The following NBEAL2 variants were observed in gnomAD, a reference collection of about 807,000 sequenced individuals.
NBEAL2 encodes the protein neurobeachin-like protein 2.
Under a neutral mutation model 299.8 loss-of-function variants are expected in NBEAL2, and 160 were observed. That is an observed-to-expected ratio of 0.53 (90% CI 0.47 to 0.61). The LOEUF (loss-of-function observed/expected upper bound fraction) is 0.61, where lower values mean the gene tolerates loss of function less well. NBEAL2 is among the 20% of genes least tolerant of loss of function. The pLI is 0.00. For synonymous variants in NBEAL2, 1,493 were observed against 1,542.3 expected, an observed-to-expected ratio of 0.97 and a Z score of 0.75; for missense variants, 3,112 against 3,649.0, an observed-to-expected ratio of 0.85 and a Z score of 3.79.
chr3:46,997,502 G>T, intron 19 of NBEAL2, 59 bp from the exon 20 acceptor site: 2 of 1,588,522 alleles, frequency 1.3e-6, no homozygotes, highest in Non-Finnish European at 1.7e-6. Context: ...AATGCCCAAG[G>T]TCTCCTGGCC....
Position 47,003,100 on chromosome 3 carries a change from A to C in NBEAL2, c.5584+19A>C, listed in dbSNP as rs2107417687. On this transcript the variant is annotated intron_variant, in intron 34 of 53. Transcript: ENST00000450053. This position sits in a 1 kb window ranked among gnomAD's most constrained non-coding sequence, Gnocchi z 7.0. ...AATCTGGGTGAGGGAGTGTGCTGAGATGGGTCCACCCAACTCGATTGTCCC... is the reference window on the plus strand; with the variant it reads ...AATCTGGGTGAGGGAGTGTGCTGAGCTGGGTCCACCCAACTCGATTGTCCC... 6.2e-7 allele frequency: 1 copy of C among 1,612,168 alleles called. No homozygotes were observed. Among genetic ancestry groups the C allele is most frequent in the Non-Finnish European group, 8.5e-7 (1 of 1,179,224 alleles).
In NBEAL2 at chr3:46,988,564, T is replaced by C. The variant is rs2035843858; in HGVS notation, c.52-105T>C. 5.5e-6 allele frequency: 4 copies of C among 731,546 alleles called. No individual in the cohort carries two copies. The Admixed American group carries it at 8.5e-5, about 16-fold the overall frequency. The allele number at this position is 731,546 out of a possible 1,614,324, so 45.3% of individuals were successfully genotyped here. A position where few individuals can be genotyped will look rare whatever the true frequency, so the allele number is the denominator to read the frequency against. On this transcript the variant is annotated intron_variant, in intron 1 of 53. Transcript: ENST00000450053. The surrounding 1 kb of genome is among the most constrained non-coding windows in gnomAD (Gnocchi z 4.4). ...CCTTTAACCCCTTGTCCATGCCCTCTGTCCACCTCCATTCATTCTTCGCCT... is the reference window on the plus strand; with the variant it reads ...CCTTTAACCCCTTGTCCATGCCCTCCGTCCACCTCCATTCATTCTTCGCCT...
chr3:46,993,787 AGTAGAAG>A, intron 10 of NBEAL2, 143 bp from the exon 11 acceptor site: 1 of 688,556 alleles, frequency 1.5e-6, no homozygotes, highest in South Asian at 1.8e-5. Context: ...TGGGGCAAGG[AGTAGAAG>A]GCCTGGTGCT....
rs772216995 is a variant in NBEAL2, at chr3:47,001,461, G to A, written c.4644+23G>A. On this transcript the variant is annotated intron_variant, in intron 29 of 53. Transcript: ENST00000450053. The surrounding 1 kb of genome is among the most constrained non-coding windows in gnomAD (Gnocchi z 6.1). ...AAGGTGCGACCCCTCAGAGAGGCGT[G>A]AGCCACATGAACACTCATGTTCATG... The A allele has an allele frequency of 6.2e-7, 1 of 1,605,620 alleles. No homozygotes were observed. The highest frequency in any genetic ancestry group is 1.7e-5 in the Admixed American group (1 of 59,060).
Position 46,993,931 on chromosome 3 carries a change from C to G in NBEAL2, c.1114-6C>G. 2.5e-6 allele frequency: 4 copies of G among 1,607,942 alleles called. No individual in the cohort carries two copies. Among genetic ancestry groups the G allele is most frequent in the Admixed American group, 1.7e-5 (1 of 59,406 alleles). ...GCCTCTCCTGATGGCCCCTCCCCAC[C>G]CCAAGGTCCTGGACCAAGACACAGA... On this transcript the variant is annotated splice_polypyrimidine_tract_variant and splice_region_variant and intron_variant, in intron 10 of 53. Coordinates refer to ENST00000450053, the MANE Select transcript of NBEAL2 (RefSeq NM_015175.3).
At chr3:46,999,596 C>T in intron 25 of NBEAL2, 34 bp from the exon 26 acceptor site, 1 of 1,507,112 alleles carries the variant, frequency 6.6e-7, no homozygotes, top group South Asian at 1.2e-5. Flanking sequence ...CTAGTCTGGT[C>T]AGTCCCTCAG....
At chr3:46,983,311 C>CTTTTT (rs35275864) in intron 1 of NBEAL2, among the ~76,000 whole-genome samples, 2 of 131,180 alleles carry the variant, frequency 1.5e-5, no homozygotes, top group Non-Finnish European at 3.2e-5. Context: ...GGTCATATTC[C>CTTTTT]TTTTTTTTTT....
In NBEAL2 at chr3:47,002,027, G is replaced by A. The variant is rs762713436; in HGVS notation, c.4890G>A (p.Gly1630=). The A allele has an allele frequency of 6.4e-7, 1 of 1,571,770 alleles. No individual in the cohort carries two copies. The highest frequency in any genetic ancestry group is 1.9e-5 in the Admixed American group (1 of 52,696). Residue 1630 remains glycine, a synonymous_variant, in exon 31 of 54, where the codon GGG becomes GGA. Transcript: ENST00000450053. ...YVLSKLEAAL[G]RVLNTSSLES... is the part of the protein sequence containing the mutation. Reference sequence around the variant, plus strand: ...TCTCCAAGCTGGAGGCTGCACTGGGGCGGGTGCTGAACACCTCTTCCTTGG... The same window carrying A: ...TCTCCAAGCTGGAGGCTGCACTGGGACGGGTGCTGAACACCTCTTCCTTGG...
chr3:47,006,121 A>G (rs2037425872), intron 43 of NBEAL2, 44 bp from the exon 44 acceptor site: 1 of 1,612,650 alleles, frequency 6.2e-7, no homozygotes, highest in Non-Finnish European at 8.5e-7. Context: ...GGGTGGATGC[A>G]GAGGGCACGC....
In NBEAL2 at chr3:46,991,565, C is replaced by G; in HGVS notation, c.802C>G (p.Pro268Ala). 1 of 1,604,040 alleles carries G rather than the reference C, an allele frequency of 6.2e-7. No homozygotes were observed. The highest frequency in any genetic ancestry group is 1.7e-5 in the Admixed American group (1 of 60,016). The change falls in exon 8 of 54, where the codon CCT becomes GCT. Residue 268 changes from proline (P) to alanine (A), a missense_variant. Around this residue, in one of 3 missense-constraint regions of NBEAL2, gnomAD observed 2,243 missense variants for 2,538.1 expected, o/e 0.88. Transcript: ENST00000450053. This position sits in a 1 kb window ranked among gnomAD's most constrained non-coding sequence, Gnocchi z 6.2. ...VHVLHASRAP[P>A]RGPELRALLE... Reference sequence around the variant, plus strand: ...TGTCTTGCATGCCAGCCGCGCACCTCCTCGTGGCCCAGAGCTTCGTGCCCT... The same window carrying G: ...TGTCTTGCATGCCAGCCGCGCACCTGCTCGTGGCCCAGAGCTTCGTGCCCT...
intron 1 of NBEAL2, among the ~76,000 whole-genome samples, chr3:46,984,356 G>C (rs1169461113): frequency 6.6e-6 from 1 of 152,152 alleles, no homozygotes; most frequent in African/African-American, 2.4e-5. Context: ...GTCAGGCCCT[G>C]GGGCAGGGTG....
In NBEAL2 at chr3:47,001,475, C is replaced by T; in HGVS notation, c.4644+37C>T. The stretch of plus-strand genomic sequence containing the variant: ...CAGAGAGGCGTGAGCCACATGAACA[C>T]TCATGTTCATGCAAGCCTGCAGGGA... On this transcript the variant is annotated intron_variant, in intron 29 of 53. Coordinates refer to ENST00000450053, the MANE Select transcript of NBEAL2 (RefSeq NM_015175.3). This position sits in a 1 kb window ranked among gnomAD's most constrained non-coding sequence, Gnocchi z 6.1. 1 of 1,598,310 alleles carries T rather than the reference C, an allele frequency of 6.3e-7. No homozygotes were observed. Among genetic ancestry groups the T allele is most frequent in the Non-Finnish European group, 8.5e-7 (1 of 1,173,436 alleles).
At position 46,989,099 on chromosome 3, in the gene NBEAL2, T is replaced by G. The variant is rs758812125; in HGVS notation, c.284T>G (p.Ile95Arg). The G allele has an allele frequency of 1.2e-6, 2 of 1,613,750 alleles. No homozygotes were observed. Among genetic ancestry groups the G allele is most frequent in the Non-Finnish European group, 1.7e-6 (2 of 1,179,804 alleles). Reference sequence around the variant, plus strand: ...GACTCCCCCAGGAACCTGGAGAACATAGAGGCAGGCCGGGGCCAAGTGCTA... The same window carrying G: ...GACTCCCCCAGGAACCTGGAGAACAGAGAGGCAGGCCGGGGCCAAGTGCTA... ...FIILCRNLENIEAGRGQVLVP... is the reference protein window; with the variant it reads ...FIILCRNLENREAGRGQVLVP... The change falls in exon 4 of 54, where the codon ATA (isoleucine) becomes AGA (arginine). Residue 95 changes from isoleucine (I) to arginine (R), a missense_variant. This residue lies in a region of NBEAL2 where 2,243 missense variants were observed against 2,538.1 expected (regional missense o/e 0.88). Coordinates refer to ENST00000450053, the MANE Select transcript of NBEAL2 (RefSeq NM_015175.3). This position sits in a 1 kb window ranked among gnomAD's most constrained non-coding sequence, Gnocchi z 5.5.
intron 24 of NBEAL2, 65 bp downstream of exon 24, chr3:46,999,182 A>T: frequency 6.5e-7 from 1 of 1,540,048 alleles, no homozygotes; most frequent in Non-Finnish European, 8.8e-7. Flanking sequence ...GGGTTCAGGG[A>T]GGTACAGCAG....
At chr3:47,005,907 C>T (rs760011374) in intron 42 of NBEAL2, 39 bp from the exon 43 acceptor site, 1 of 1,612,346 alleles carries the variant, frequency 6.2e-7, no homozygotes, top group South Asian at 1.1e-5. Flanking sequence ...CATGGGGGGT[C>T]AGCTGTCCCT....
Position 46,999,358 on chromosome 3 carries a change from G to A in NBEAL2, c.3587G>A (p.Ser1196Asn), listed in dbSNP as rs757334483. ...CAGAATGAGCGGCTACCTGAGCGGA[G>A]CCGCCAGCGCCTCCGGCTGCGGGAG... is the stretch of plus-strand genomic sequence containing the variant. ...LQQNERLPER[S>N]RQRLRLRECG... Residue 1196 changes from serine (S) to asparagine (N), a missense_variant, in exon 25 of 54, where the codon AGC becomes AAC. Around this residue, in one of 3 missense-constraint regions of NBEAL2, gnomAD observed 2,243 missense variants for 2,538.1 expected, o/e 0.88. Coordinates refer to ENST00000450053, the MANE Select transcript of NBEAL2 (RefSeq NM_015175.3). The A allele has an allele frequency of 1.2e-6, 2 of 1,610,296 alleles. No individual in the cohort carries two copies. Among genetic ancestry groups the A allele is most frequent in the South Asian group, 2.2e-5 (2 of 90,784 alleles).
chr3:47,003,932 T>C lies in NBEAL2; in HGVS notation c.5837T>C (p.Val1946Ala), dbSNP rs746706892. 1.2e-6 allele frequency: 2 copies of C among 1,613,596 alleles called. No individual in the cohort carries two copies. The highest frequency in any genetic ancestry group is 4.5e-5 in the East Asian group (2 of 44,866). Residue 1946 changes from valine to alanine, a missense_variant, in exon 36 of 54, where the codon GTA becomes GCA. Transcript: ENST00000450053. This position sits in a 1 kb window ranked among gnomAD's most constrained non-coding sequence, Gnocchi z 7.0. ...CTGCTGGAGGTCACCACACAGAATG[T>C]ATACTTCTACGATGGCAGCACTGAG... ...PGLLEVTTQN[V>A]YFYDGSTERV...
rs1158863806 is a variant in NBEAL2 at position 47,005,200 on chromosome 3, C to G, written c.6439C>G (p.Pro2147Ala). 1.2e-6 allele frequency: 2 copies of G among 1,613,782 alleles called. No homozygotes were observed. The highest frequency in any genetic ancestry group is 1.7e-6 in the Non-Finnish European group (2 of 1,179,894). Reference sequence around the variant, plus strand: ...CCCCAGGTATGAAAGCTTTGAGGACCCAGCAGGGACCATTGACAAGTTCCA... The same window carrying G: ...CCCCAGGTATGAAAGCTTTGAGGACGCAGCAGGGACCATTGACAAGTTCCA... ...VREKYESFED[P>A]AGTIDKFHYG... is the part of the protein sequence containing the mutation. The change falls in exon 40 of 54, where the codon CCA becomes GCA. Residue 2147 changes from proline to alanine, a missense_variant. This residue lies in a region of NBEAL2 where 521 missense variants were observed against 729.6 expected (regional missense o/e 0.71). Transcript: ENST00000450053.
intron 1 of NBEAL2, among the ~76,000 whole-genome samples, chr3:46,980,632 G>C (rs957173880): frequency 1.3e-5 from 2 of 152,146 alleles, no homozygotes; most frequent in African/African-American, 4.8e-5. Flanking sequence ...TTGGAGGGAG[G>C]CCCGTTCCTC....
Sources: allele counts gnomAD v4.1 joint callset (sites outside exome capture counted in the v4.1 genomes callset), GRCh38; gene constraint gnomAD v4.1.1; regional missense constraint gnomAD v4.1.1; non-coding constraint Gnocchi (gnomAD v3.1); transcripts MANE v1.5; gene names NCBI Gene and HGNC (gene_info 2026-07-23, HGNC 2026-07-21).